ABCC10: variants seen among roughly 807,000 people sequenced by gnomAD.
ABCC10 encodes ATP binding cassette subfamily C member 10.
In ABCC10, 110 loss-of-function variants were observed where a neutral mutation model predicts 143.2. That is an observed-to-expected ratio of 0.77 (90% CI 0.66 to 0.90). The LOEUF is 0.90. Among genes scored for constraint, ABCC10 ranks in the 40% least tolerant of loss-of-function variants. The pLI, the probability that ABCC10 is intolerant of heterozygous loss-of-function variation, is 0.00. For missense variants in ABCC10, 1,700 were observed against 1,900.5 expected, an observed-to-expected ratio of 0.89 and a Z score of 1.96; for synonymous variants, 805 against 846.7, an observed-to-expected ratio of 0.95 and a Z score of 0.85.
At chr6:43,446,494 C>T in intron 16 of ABCC10, 48 bp downstream of exon 16, 3 of 1,576,960 alleles carry the variant, frequency 1.9e-6, no homozygotes, top group Non-Finnish European at 2.6e-6. Flanking sequence ...AGTTAGTCCA[C>T]CGCTCTCCCA....
chr6:43,445,982 G>T (rs748872573), intron 15 of ABCC10, 40 bp downstream of exon 15: 1 of 1,558,296 alleles, frequency 6.4e-7, no homozygotes, highest in East Asian at 2.3e-5. Flanking sequence ...GTGTTGGGGG[G>T]AGAGGAAAAG....
rs1781277084 is a variant in ABCC10 at position 43,432,780 on chromosome 6, G to A, written c.800G>A (p.Trp267Ter). The change falls in exon 3 of 22, where the codon TGG becomes TAG. Residue 267 changes from tryptophan to a stop codon, truncating the protein, a stop_gained. Coordinates refer to ENST00000372530, the MANE Select transcript of ABCC10 (RefSeq NM_001198934.2). LOFTEE classifies it high-confidence loss of function. ...TYLARVFQAH[W>*]QEGARLWRAL... ...CTGGCTCGTGTCTTCCAGGCACACTGGCAGGAGGGGGCACGGCTGTGGAGG... is the reference window on the plus strand; with the variant it reads ...CTGGCTCGTGTCTTCCAGGCACACTAGCAGGAGGGGGCACGGCTGTGGAGG... 6 of 1,614,162 alleles carry A rather than the reference G, an allele frequency of 3.7e-6. No homozygotes were observed. Among genetic ancestry groups the A allele is most frequent in the Non-Finnish European group, 4.2e-6 (5 of 1,180,042 alleles).
Position 43,445,757 on chromosome 6 carries a change from C to T in ABCC10, c.3189C>T (p.Gly1063=). 6.2e-7 allele frequency: 1 copy of T among 1,614,138 alleles called. No homozygotes were observed. Among genetic ancestry groups the T allele is most frequent in the Non-Finnish European group, 8.5e-7 (1 of 1,180,030 alleles). The change falls in exon 15 of 22, where the codon GGC becomes GGT. Residue 1063 remains glycine, a synonymous_variant. Coordinates refer to ENST00000372530, the MANE Select transcript of ABCC10 (RefSeq NM_001198934.2). The part of the protein sequence containing the change: ...LLGLLAVLGS[G]LPWLLLLLPP... Reference sequence around the variant, plus strand: ...GGCTCCTGGCCGTGCTGGGCTCTGGCCTGCCCTGGCTGCTGCTCCTGCTGC... The same window carrying T: ...GGCTCCTGGCCGTGCTGGGCTCTGGTCTGCCCTGGCTGCTGCTCCTGCTGC...
rs565060265 is a variant in ABCC10 at position 43,443,315 on chromosome 6, G to A, written c.2416+156G>A. 2,752 of 722,700 alleles carry A rather than the reference G, an allele frequency of 3.8e-3. 9 individuals are homozygous for A. The highest frequency in any genetic ancestry group is 4.5e-3 in the Non-Finnish European group (2,133 of 470,452). The allele number at this position is 722,700 out of a possible 1,614,324, so 44.8% of individuals were successfully genotyped here. A position where few individuals can be genotyped will look rare whatever the true frequency, so the allele number is the denominator to read the frequency against. On this transcript the variant is annotated intron_variant, in intron 10 of 21. Transcript: ENST00000372530. The surrounding 1 kb of genome is among the most constrained non-coding windows in gnomAD (Gnocchi z 4.2). ...ACTGGTGTGAGGAACTGGGAGAACAGGAGGGAAAAGGAGTACGTTGGTAAA... is the reference window on the plus strand; with the variant it reads ...ACTGGTGTGAGGAACTGGGAGAACAAGAGGGAAAAGGAGTACGTTGGTAAA...
downstream of ABCC10, chr6:43,451,908 C>A (rs147808380): frequency 4.4e-3 from 7,143 of 1,612,656 alleles, 23 homozygotes; most frequent in Non-Finnish European, 5.6e-3. This position sits in a 1 kb window ranked among gnomAD's most constrained non-coding sequence, Gnocchi z 4.4. Flanking sequence ...TCTGGTCTAA[C>A]CTTCCACTCA....
intron 17 of ABCC10, 118 bp downstream of exon 17, chr6:43,447,526 G>A: frequency 6.4e-7 from 1 of 1,553,066 alleles, no homozygotes; most frequent in Non-Finnish European, 8.7e-7. Flanking sequence ...CTCTCTTCAT[G>A]ATGACCACAA....
intron 16 of ABCC10, 52 bp from the exon 17 acceptor site, chr6:43,447,196 C>A: frequency 6.3e-7 from 1 of 1,585,118 alleles, no homozygotes. Flanking sequence ...GAGTCTCCCA[C>A]AAACGTCCCG....
At position 43,433,043 on chromosome 6, in the gene ABCC10, G is replaced by A. The variant is rs1403755872; in HGVS notation, c.1063G>A (p.Ala355Thr). ...TGAGGTATATAAGGTAACACTTCAG[G>A]CACGGGGGGCTGTGCTGAACATCCT... Reference protein sequence around the residue: ...GYEVYKVTLQARGAVLNILYC... With the variant: ...GYEVYKVTLQTRGAVLNILYC... Residue 355 changes from alanine to threonine, a missense_variant, in exon 3 of 22, where the codon GCA becomes ACA. Coordinates refer to ENST00000372530, the MANE Select transcript of ABCC10 (RefSeq NM_001198934.2). The A allele has an allele frequency of 1.2e-6, 2 of 1,614,154 alleles. No individual in the cohort carries two copies. Among genetic ancestry groups the A allele is most frequent in the Non-Finnish European group, 8.5e-7 (1 of 1,180,022 alleles).
chr6:43,435,078 A>C, intron 4 of ABCC10: 1 of 542,098 alleles, frequency 1.8e-6, no homozygotes, highest in Non-Finnish European at 3.3e-6. Flanking sequence ...TCCAGCTTCT[A>C]TTCAGTTCCA....
intron 2 of ABCC10, among the ~76,000 whole-genome samples, chr6:43,429,208 C>G (rs557561457): frequency 6.8e-6 from 1 of 147,854 alleles, no homozygotes; most frequent in South Asian, 2.2e-4. Flanking sequence ...AAGTGAGATT[C>G]AGAGAGGAAA....
In ABCC10 at chr6:43,440,733, G is replaced by C. The variant is rs185019544; in HGVS notation, c.2128-1129G>C. Among the ~76,000 whole-genome samples, 198 of 151,960 alleles carry C rather than the reference G, an allele frequency of 1.3e-3. 2 individuals carry two copies. Among genetic ancestry groups the C allele is most frequent in the African/African-American group, 4.4e-3 (183 of 41,450 alleles). On this transcript the variant is annotated intron_variant, in intron 8 of 21. Transcript: ENST00000372530. ...AAAAAATAGCTGGGCGTGGTCGTGG[G>C]CACCTGTAATCCCAGCTACTCGGGA... is the stretch of plus-strand genomic sequence containing the variant.
At chr6:43,445,509 C>A in intron 14 of ABCC10, 90 bp from the exon 15 acceptor site, 1 of 1,428,982 alleles carries the variant, frequency 7.0e-7, no homozygotes, top group Non-Finnish European at 9.7e-7. Flanking sequence ...CTATCTTGGG[C>A]CTTCCCCTCC....
At chr6:43,429,951 A>G (rs1473420854) in intron 2 of ABCC10, among the ~76,000 whole-genome samples, 1 of 152,172 alleles carries the variant, frequency 6.6e-6, no homozygotes, top group East Asian at 1.9e-4. Context: ...AAAAGAAAAA[A>G]TTATTTTTAG....
chr6:43,439,833 T>C lies in ABCC10; in HGVS notation c.2127+1038T>C, dbSNP rs143189828. Among the ~76,000 whole-genome samples the C allele has an allele frequency of 6.6e-5, 10 of 152,260 alleles. 1 individual carries two copies. The South Asian group carries it at 1.9e-3, about 28-fold the overall frequency. ...TCCTGACCTTGTGATCTGCCCACCT[T>C]GGCCTCCCAAGGTGCTGGGATTACA... On this transcript the variant is annotated intron_variant, in intron 8 of 21. Coordinates refer to ENST00000372530, the MANE Select transcript of ABCC10 (RefSeq NM_001198934.2).
rs1220719052 is a variant in ABCC10 at position 43,444,373 on chromosome 6, T to G, written c.2689+20T>G. 4.4e-6 allele frequency: 7 copies of G among 1,580,932 alleles called. 1 individual carries two copies. In the Middle Eastern group the frequency reaches 6.1e-4, roughly 137 times the overall value. ...TGCAAGGTGAGAGCGTGCCTGGGAG[T>G]CTCTTACATCGTAACGGCTGTGCTG... is the stretch of plus-strand genomic sequence containing the variant. On this transcript the variant is annotated intron_variant, in intron 12 of 21. Transcript: ENST00000372530.
chr6:43,432,966 G>T lies in ABCC10; in HGVS notation c.986G>T (p.Gly329Val). Residue 329 changes from glycine to valine, a missense_variant, in exon 3 of 22, where the codon GGG (glycine) becomes GTG (valine). Coordinates refer to ENST00000372530, the MANE Select transcript of ABCC10 (RefSeq NM_001198934.2). ...AGCCACGGCCTGCTCTATGCTCTGG[G>T]GCTAGCCGGTGGGGCTGTGCTGGGT... ...PLSHGLLYAL[G>V]LAGGAVLGAV... 6.2e-7 allele frequency: 1 copy of T among 1,614,170 alleles called. No individual in the cohort carries two copies. The highest frequency in any genetic ancestry group is 1.1e-5 in the South Asian group (1 of 91,088).
chr6:43,437,433 C>CAAAAAAAAAAAAAAAAA (rs57827467), intron 6 of ABCC10, among the ~76,000 whole-genome samples: 2 of 102,410 alleles, frequency 2.0e-5, no homozygotes, highest in African/African-American at 1.3e-4. Flanking sequence ...AACATATGAC[C>CAAAAAAAAAAAAAAAAA]AAAAAAAAAA....
rs1782652970 is a variant in ABCC10 at position 43,443,055 on chromosome 6, G to T, written c.2312G>T (p.Gly771Val). Residue 771 changes from glycine to valine, a missense_variant, in exon 10 of 22, where the codon GGC becomes GTC. Transcript: ENST00000372530. The surrounding 1 kb of genome is among the most constrained non-coding windows in gnomAD (Gnocchi z 4.2). ...CACCTGCTGCACAGGTGCATCCTGG[G>T]CATGCTGAGCTACACCACACGGCTG... ...ANHLLHRCIL[G>V]MLSYTTRLLC... 6.2e-7 allele frequency: 1 copy of T among 1,613,086 alleles called. No homozygotes were observed.
rs1268188090 is a variant in ABCC10 at position 43,445,191 on chromosome 6, C to G, written c.2907C>G (p.Thr969=). 6.2e-7 allele frequency: 1 copy of G among 1,614,102 alleles called. No individual in the cohort carries two copies. The highest frequency in any genetic ancestry group is 1.7e-4 in the Middle Eastern group (1 of 6,060). ...NGSSDIRFYL[T]VYATIAGVNS... ...CCTCAGACATCCGTTTCTACCTCACCGTGTATGCGACCATTGCTGGTGTAA... is the reference window on the plus strand; with the variant it reads ...CCTCAGACATCCGTTTCTACCTCACGGTGTATGCGACCATTGCTGGTGTAA... The change falls in exon 14 of 22, where the codon ACC becomes ACG. Residue 969 remains threonine, a synonymous_variant. Coordinates refer to ENST00000372530, the MANE Select transcript of ABCC10 (RefSeq NM_001198934.2).
Sources: gnomAD v4.1 joint callset for allele counts (sites outside exome capture counted in the v4.1 genomes callset) on GRCh38, gnomAD v4.1.1 for gene constraint, Gnocchi (gnomAD v3.1) non-coding constraint, MANE v1.5 for transcripts, NCBI Gene and HGNC (gene_info 2026-07-23, HGNC 2026-07-21) for gene names.